Variants in FOXA2 observed in about 807,000 individuals in gnomAD.
FOXA2 encodes the protein forkhead box A2.
FOXA2 carries 9 observed loss-of-function variants against 33.3 expected under a neutral mutation model. The observed-to-expected ratio is 0.27, with a 90% CI of 0.16 to 0.47. FOXA2 has a LOEUF of 0.47. Ranked by LOEUF, FOXA2 falls within the 20% of genes least tolerant of loss-of-function variation. The pLI, the probability that FOXA2 is intolerant of heterozygous loss-of-function variation, is 0.99. For synonymous variants in FOXA2, 329 were observed against 289.4 expected (o/e 1.14, Z -1.39); for missense variants, 704 against 659.9 (o/e 1.07, Z -0.73).
chr20:22,584,055 G>T, intron 1 of FOXA2, 137 bp downstream of exon 1: 1 of 735,848 alleles, frequency 1.4e-6, no homozygotes, highest in African/African-American at 1.7e-5. Flanking sequence ...TTCCAAGGAG[G>T]GCGGAAAAGG....
upstream of FOXA2, chr20:22,585,331 G>A (rs966442849): frequency 3.9e-5 from 6 of 152,390 alleles, no homozygotes; most frequent in East Asian, 3.9e-4. Flanking sequence ...GTTCAGACCC[G>A]GAACGGCCTC....
rs769039037 is a variant in FOXA2 at position 22,582,450 on chromosome 20, C to A, written c.792G>T (p.Glu264Asp). ...CGGCCTCCTTCAGCGCCAGCTGCTT[C>A]TCGCACTTGAAGCGCTTCTGGCGGC... ...YLRRQKRFKC[E>D]KQLALKEAAG... The change falls in exon 2 of 2, where the codon GAG becomes GAT. Residue 264 changes from glutamate (E) to aspartate (D), a missense_variant. Physicochemically the swap from Glu to Asp is conservative, Grantham distance 45. Coordinates refer to ENST00000419308, the MANE Select transcript of FOXA2 (RefSeq NM_021784.5). 2.4e-5 allele frequency: 39 copies of A among 1,610,224 alleles called. No individual in the cohort carries two copies. Among genetic ancestry groups the A allele is most frequent in the Non-Finnish European group, 3.3e-5 (39 of 1,178,622 alleles).
chr20:22,584,626 G>A (rs1984707534), upstream of FOXA2, among the ~76,000 whole-genome samples: 1 of 150,222 alleles, frequency 6.7e-6, no homozygotes, highest in South Asian at 2.1e-4. Flanking sequence ...TAGTGGGGGG[G>A]TGGGGAGGAG....
In FOXA2 at chr20:22,582,951, G is replaced by T; in HGVS notation, c.291C>A (p.Gly97=). The change falls in exon 2 of 2, where the codon GGC becomes GGA. Residue 97 remains glycine (G), a synonymous_variant. Transcript: ENST00000419308. Reference sequence around the variant, plus strand: ...CCACGCCGGCCGCCCCGGCCGAGCCGCCCATGCCCGCCATGGCGCCCGCGC... The same window carrying T: ...CCACGCCGGCCGCCCCGGCCGAGCCTCCCATGCCCGCCATGGCGCCCGCGC... The part of the protein sequence containing the change: ...SPGAGAMAGM[G]GSAGAAGVAG... 2.5e-6 allele frequency: 4 copies of T among 1,589,124 alleles called. No individual in the cohort carries two copies. Among genetic ancestry groups the T allele is most frequent in the Non-Finnish European group, 3.4e-6 (4 of 1,171,740 alleles).
At position 22,584,545 on chromosome 20, in the gene FOXA2, CTGCCGGGT is replaced by C; in HGVS notation, c.-275_-268del. 2.4e-6 allele frequency: 1 copy of C among 422,718 alleles called. No individual in the cohort carries two copies. The highest frequency in any genetic ancestry group is 4.3e-6 in the Non-Finnish European group (1 of 232,998). The allele number at this position is 422,718 out of a possible 1,614,324, so 26.2% of individuals were successfully genotyped here. On this transcript the variant is annotated 5_prime_UTR_variant, in exon 1 of 2. Transcript: ENST00000419308. ...CACCCGCCGCCGCCGCGCTCACGGG[CTGCCGGGT>C]GGCGGCTGAGGTTGGCAGTGCCGAG...
chr20:22,583,436 A>T (rs1459764202), intron 1 of FOXA2, among the ~76,000 whole-genome samples: 1 of 151,958 alleles, frequency 6.6e-6, no homozygotes. Flanking sequence ...CCCATGGAGT[A>T]CTCCCAAGCC....
At chr20:22,583,254 G>A in intron 1 of FOXA2, 100 bp from the exon 2 acceptor site, 1 of 1,316,268 alleles carries the variant, frequency 7.6e-7, no homozygotes, top group Non-Finnish European at 1.1e-6. Context: ...GTCCGGGGAG[G>A]CCTCCGGGGA....
chr20:22,581,988 G>C lies in FOXA2; in HGVS notation c.1254C>G (p.Pro418=). The C allele has an allele frequency of 6.2e-7, 1 of 1,613,930 alleles. No homozygotes were observed. The highest frequency in any genetic ancestry group is 8.5e-7 in the Non-Finnish European group (1 of 1,179,798). ...LKAYEQVMHY[P]GYGSPMPGSL... ...TGCCAGGCATGGGGGAACCGTAGCC[G>C]GGGTAGTGCATCACCTGTTCGTAGG... Residue 418 remains proline, a synonymous_variant, in exon 2 of 2, where the codon CCC becomes CCG. Coordinates refer to ENST00000419308, the MANE Select transcript of FOXA2 (RefSeq NM_021784.5).
At chr20:22,583,718 G>C (rs974796582) in intron 1 of FOXA2, among the ~76,000 whole-genome samples, 20 of 152,312 alleles carry the variant, frequency 1.3e-4, no homozygotes, top group African/African-American at 3.6e-4. Flanking sequence ...GGCACTGAAC[G>C]GGGCAATAGG....
At chr20:22,583,293 C>G in intron 1 of FOXA2, 139 bp from the exon 2 acceptor site, 1 of 868,818 alleles carries the variant, frequency 1.2e-6, no homozygotes, top group South Asian at 1.3e-5. Context: ...GCCCAGTCTC[C>G]GGACTCCGAG....
chr20:22,583,267 C>A, intron 1 of FOXA2, 113 bp from the exon 2 acceptor site: 1 of 1,081,042 alleles, frequency 9.3e-7, no homozygotes, highest in Non-Finnish European at 1.4e-6. Context: ...TCCGGGGAGC[C>A]CTTTCGTCCC....
rs538965220 is a variant in FOXA2 at position 22,583,259 on chromosome 20, C to A, written c.88-105G>T. 7.6e-5 allele frequency: 94 copies of A among 1,236,982 alleles called. 2 individuals carry two copies. The South Asian group carries it at 1.1e-3, about 14-fold the overall frequency. The allele number at this position is 1,236,982 out of a possible 1,614,324, so 76.6% of individuals were successfully genotyped here. A position where few individuals can be genotyped will look rare whatever the true frequency, so the allele number is the denominator to read the frequency against. On this transcript the variant is annotated intron_variant, in intron 1 of 1. Coordinates refer to ENST00000419308, the MANE Select transcript of FOXA2 (RefSeq NM_021784.5). ...AGGCCTCCGCGTCCGGGGAGGCCTC[C>A]GGGGAGCCCTTTCGTCCCCGATGGC...
At position 22,583,168 on chromosome 20, in the gene FOXA2, C is replaced by T. The variant is rs1984649430; in HGVS notation, c.88-14G>A. ...GGAGGAGTAGCCCTGCGGACAGAGC[C>T]CCGGGAGGGAGGCGACAGCGTTAGC... On this transcript the variant is annotated splice_polypyrimidine_tract_variant and intron_variant, in intron 1 of 1. Transcript: ENST00000419308. The T allele has an allele frequency of 6.3e-7, 1 of 1,599,634 alleles. No individual in the cohort carries two copies. The highest frequency in any genetic ancestry group is 8.5e-7 in the Non-Finnish European group (1 of 1,179,722).
chr20:22,582,110 A>C lies in FOXA2; in HGVS notation c.1132T>G (p.Phe378Val). The change falls in exon 2 of 2, where the codon TTC becomes GTC. Residue 378 changes from phenylalanine to valine, a missense_variant. This residue lies in a region of FOXA2 where 343 missense variants were observed against 274.8 expected (regional missense o/e 1.25). Coordinates refer to ENST00000419308, the MANE Select transcript of FOXA2 (RefSeq NM_021784.5). Reference protein sequence around the residue: ...AHLKPEHHYAFNHPFSINNLM... With the variant: ...AHLKPEHHYAVNHPFSINNLM... ...TTGTTGATGGAGAACGGGTGGTTGA[A>C]GGCGTAGTGGTGTTCCGGCTTCAGG... The C allele has an allele frequency of 1.2e-6, 2 of 1,606,442 alleles. No homozygotes were observed. The highest frequency in any genetic ancestry group is 1.7e-6 in the Non-Finnish European group (2 of 1,176,010).
At position 22,582,037 on chromosome 20, in the gene FOXA2, T is replaced by C. The variant is rs369254349; in HGVS notation, c.1205A>G (p.Gln402Arg). 8.7e-6 allele frequency: 13 copies of C among 1,486,372 alleles called. No homozygotes were observed. The highest frequency in any genetic ancestry group is 3.6e-5 in the Admixed American group (2 of 56,050). 92.1% of individuals were successfully genotyped at this position (1,486,372 alleles called of 1,614,324 possible). A position where few individuals can be genotyped will look rare whatever the true frequency, so the allele number is the denominator to read the frequency against. The change falls in exon 2 of 2, where the codon CAA (glutamine) becomes CGA (arginine). Residue 402 changes from glutamine (Q) to arginine (R), a missense_variant. This residue lies in a region of FOXA2 where 343 missense variants were observed against 274.8 expected (regional missense o/e 1.25). Transcript: ENST00000419308. The stretch of plus-strand genomic sequence containing the variant: ...GGCCTTGAGGTCCATTTTGTGGGGT[T>C]GGTGGTGGTGGTGGCTGTGGTGGTG... ...QQHHHSHHHH[Q>R]PHKMDLKAYE... is the part of the protein sequence containing the mutation.
Position 22,582,549 on chromosome 20 carries a change from G to C in FOXA2, c.693C>G (p.Asp231Glu), listed in dbSNP as rs1261618665. The C allele has an allele frequency of 1.2e-5, 20 of 1,614,064 alleles. No individual in the cohort carries two copies. Among genetic ancestry groups the C allele is most frequent in the Admixed American group, 1.7e-5 (1 of 60,014 alleles). The change falls in exon 2 of 2, where the codon GAC (aspartate) becomes GAG (glutamate). Residue 231 changes from aspartate to glutamate, a missense_variant. Asp to Glu is a conservative substitution (Grantham distance 45). This residue lies in a region of FOXA2 where 25 missense variants were observed against 55.3 expected (regional missense o/e 0.45). Coordinates refer to ENST00000419308, the MANE Select transcript of FOXA2 (RefSeq NM_021784.5). ...DCFLKVPRSPDKPGKGSFWTL... is the reference protein window; with the variant it reads ...DCFLKVPRSPEKPGKGSFWTL... ...TCCAGAAGGAGCCCTTGCCGGGCTT[G>C]TCGGGCGAGCGGGGCACCTTCAGGA... is the stretch of plus-strand genomic sequence containing the variant.
chr20:22,583,683 T>C (rs373349797), intron 1 of FOXA2, among the ~76,000 whole-genome samples: 101 of 152,338 alleles, frequency 6.6e-4, no homozygotes, highest in African/African-American at 2.0e-3. Flanking sequence ...AGGCAGTGCC[T>C]GTGCGGAGTG....
chr20:22,584,088 T>G, intron 1 of FOXA2, 104 bp downstream of exon 1: 2 of 1,096,370 alleles, frequency 1.8e-6, no homozygotes, highest in Non-Finnish European at 2.8e-6. Flanking sequence ...AAGGCTGGGG[T>G]TGTGGGGCGG....
intron 1 of FOXA2, among the ~76,000 whole-genome samples, chr20:22,583,375 G>A (rs1450412148): frequency 1.3e-5 from 2 of 152,218 alleles, no homozygotes; most frequent in East Asian, 3.9e-4. Flanking sequence ...GCTTGGGCAT[G>A]TGGCCCGTTC....
Sources: allele counts gnomAD v4.1 joint callset (sites outside exome capture counted in the v4.1 genomes callset), GRCh38; gene constraint gnomAD v4.1.1; regional missense constraint gnomAD v4.1.1; transcripts MANE v1.5; gene names NCBI Gene and HGNC (gene_info 2026-07-23, HGNC 2026-07-21).